Variants in CACNA1B observed in about 807,000 individuals in gnomAD.
CACNA1B encodes the protein calcium voltage-gated channel subunit alpha1 B.
CACNA1B carries 70 observed loss-of-function variants against 247.2 expected under a neutral mutation model. The ratio of observed to expected loss-of-function variants is 0.28; its 90% confidence interval spans 0.23 to 0.35. CACNA1B has a LOEUF of 0.35. Among genes scored for constraint, CACNA1B ranks in the 10% least tolerant of loss-of-function variants. The pLI, the probability that CACNA1B is intolerant of heterozygous loss-of-function variation, is 1.00. For synonymous variants in CACNA1B, 1,231 were observed against 1,294.4 expected, an observed-to-expected ratio of 0.95 and a Z score of 1.05; for missense variants, 2,367 against 3,197.4, an observed-to-expected ratio of 0.74 and a Z score of 6.26.
chr9:137,918,914 G>A (rs184416472), intron 6 of CACNA1B, among the ~76,000 whole-genome samples: 23 of 152,322 alleles, frequency 1.5e-4, no homozygotes, highest in Admixed American at 9.8e-4. Flanking sequence ...GGACAAAGCC[G>A]GTGATGAGGA....
intron 25 of CACNA1B, 30 bp from the exon 26 acceptor site, chr9:138,053,816 C>T (rs1283682238): frequency 1.3e-6 from 2 of 1,592,040 alleles, no homozygotes; most frequent in Non-Finnish European, 1.7e-6. Context: ...ATTCCACCCC[C>T]TCATCATGGC....
In CACNA1B at chr9:138,007,303, GA is replaced by G. The variant is rs10718000; in HGVS notation, c.2092+422del. 0.011 allele frequency among the ~76,000 whole-genome samples: 1,690 copies of G among 152,318 alleles called. 29 individuals are homozygous for G. The highest frequency in any genetic ancestry group is 0.039 in the African/African-American group (1,621 of 41,550). On this transcript the variant is annotated intron_variant, in intron 16 of 46. Transcript: ENST00000371372. This position sits in a 1 kb window ranked among gnomAD's most constrained non-coding sequence, Gnocchi z 4.1. ...CATCCCCTTTGCAGAGAAATGTAAG[GA>G]AAGGTTTTCTGTGGAGGATGTCAGT...
chr9:137,878,256 A>G, intron 1 of CACNA1B, 39 bp downstream of exon 1: 1 of 420,380 alleles, frequency 2.4e-6, no homozygotes, highest in Non-Finnish European at 3.2e-6. Context: ...CCGGGCGGGG[A>G]CCGGGGTGGG....
At chr9:138,071,116 T>A (rs1039910919) in intron 32 of CACNA1B, among the ~76,000 whole-genome samples, 1 of 152,208 alleles carries the variant, frequency 6.6e-6, no homozygotes, top group African/African-American at 2.4e-5. Flanking sequence ...CAATTTTAAA[T>A]CCCTTTTCTC....
chr9:137,927,552 A>G (rs1957565534), intron 6 of CACNA1B, among the ~76,000 whole-genome samples: 2 of 152,200 alleles, frequency 1.3e-5, no homozygotes, highest in African/African-American at 4.8e-5. Context: ...CCATATATGC[A>G]AGAGTTTATT....
intron 12 of CACNA1B, among the ~76,000 whole-genome samples, chr9:137,976,293 G>A (rs2133371414): frequency 6.6e-6 from 1 of 152,386 alleles, no homozygotes; most frequent in African/African-American, 2.4e-5. Flanking sequence ...ATAATCAGCT[G>A]AAGGCTCTGC....
intron 20 of CACNA1B, among the ~76,000 whole-genome samples, chr9:138,043,134 G>A (rs1229818765): frequency 6.6e-6 from 1 of 152,178 alleles, no homozygotes; most frequent in African/African-American, 2.4e-5. Context: ...AGTTTGATTT[G>A]TGGGAGCACA....
intron 15 of CACNA1B, among the ~76,000 whole-genome samples, chr9:137,993,566 C>G (rs1958460700): frequency 6.6e-6 from 1 of 152,042 alleles, no homozygotes; most frequent in South Asian, 2.1e-4. Context: ...CTATGAACAC[C>G]TTTATTTATG....
intron 5 of CACNA1B, among the ~76,000 whole-genome samples, chr9:137,916,304 A>T (rs574122702): frequency 6.6e-6 from 1 of 152,278 alleles, no homozygotes; most frequent in East Asian, 1.9e-4. Context: ...AAGTGCTAGG[A>T]TTACAGGCGT....
chr9:138,034,249 G>T (rs954811457), intron 20 of CACNA1B, among the ~76,000 whole-genome samples: 1 of 152,146 alleles, frequency 6.6e-6, no homozygotes. Flanking sequence ...TGGGTGAGAC[G>T]TGACGTCTAG....
At chr9:137,893,495 A>T (rs1394389046) in intron 3 of CACNA1B, among the ~76,000 whole-genome samples, 1 of 151,752 alleles carries the variant, frequency 6.6e-6, no homozygotes, top group Non-Finnish European at 1.5e-5. Context: ...CTAAAAATAC[A>T]AAAGAATGAG....
At position 138,121,003 on chromosome 9, in the gene CACNA1B, C is replaced by T; in HGVS notation, c.6489+122C>T. ...CTGCCCTTTGTCATTCCCAGCAACCCAAGGGCCGGGCGCTCCCCTCTGTGC... is the reference window on the plus strand; with the variant it reads ...CTGCCCTTTGTCATTCCCAGCAACCTAAGGGCCGGGCGCTCCCCTCTGTGC... On this transcript the variant is annotated intron_variant, in intron 46 of 46. Transcript: ENST00000371372. This position sits in a 1 kb window ranked among gnomAD's most constrained non-coding sequence, Gnocchi z 6.8. 2 of 1,200,488 alleles carry T rather than the reference C, an allele frequency of 1.7e-6. No individual in the cohort carries two copies. The highest frequency in any genetic ancestry group is 2.3e-6 in the Non-Finnish European group (2 of 872,412). The allele number at this position is 1,200,488 out of a possible 1,614,324, so 74.4% of individuals were successfully genotyped here. A position where few individuals can be genotyped will look rare whatever the true frequency, so the allele number is the denominator to read the frequency against.
chr9:138,115,043 G>A (rs924604262), intron 41 of CACNA1B, among the ~76,000 whole-genome samples: 13 of 152,130 alleles, frequency 8.5e-5, no homozygotes, highest in Non-Finnish European at 1.9e-4. Context: ...CATTGACCTA[G>A]TCCTCAGATG....
intron 31 of CACNA1B, among the ~76,000 whole-genome samples, chr9:138,061,240 G>A (rs996168037): frequency 6.6e-6 from 1 of 152,156 alleles, no homozygotes; most frequent in Non-Finnish European, 1.5e-5. Flanking sequence ...CTTCTGGCAC[G>A]AGCAGCCCCA....
At chr9:138,055,862 TA>T (rs1304399471) in intron 26 of CACNA1B, among the ~76,000 whole-genome samples, 1 of 152,054 alleles carries the variant, frequency 6.6e-6, no homozygotes, top group East Asian at 1.9e-4. Context: ...CTGTCTCTAC[TA>T]AAACTACAAA....
At chr9:138,078,027 A>G in intron 35 of CACNA1B, 87 bp from the exon 36 acceptor site, 1 of 1,249,894 alleles carries the variant, frequency 8.0e-7, no homozygotes, top group Non-Finnish European at 1.1e-6. Context: ...GAAGGAGCCC[A>G]AAGGAGTGGG....
In CACNA1B at chr9:137,898,610, A is replaced by T. The variant is rs189854007; in HGVS notation, c.531-14570A>T. Among the ~76,000 whole-genome samples the T allele has an allele frequency of 2.0e-5, 3 of 152,036 alleles. No individual in the cohort carries two copies. The East Asian group carries it at 5.8e-4, about 29-fold the overall frequency. On this transcript the variant is annotated intron_variant, in intron 3 of 46. Coordinates refer to ENST00000371372, the MANE Select transcript of CACNA1B (RefSeq NM_000718.4). ...AGCCTCCACCTTCCAGGCTAAAGCA[A>T]TCCTCCCACCTCAGCCTCCCGAGTA...
intron 3 of CACNA1B, among the ~76,000 whole-genome samples, chr9:137,889,808 C>G (rs1363344237): frequency 6.7e-6 from 1 of 148,988 alleles, no homozygotes. Flanking sequence ...TCAGCACACG[C>G]CCCTGGCTGG....
intron 10 of CACNA1B, among the ~76,000 whole-genome samples, chr9:137,967,940 C>G (rs1461811057): frequency 1.3e-5 from 2 of 152,214 alleles, no homozygotes; most frequent in Non-Finnish European, 2.9e-5. Context: ...TCCTTGAGCT[C>G]GCGTTCACCT....
Sources: gnomAD v4.1 joint callset for allele counts (sites outside exome capture counted in the v4.1 genomes callset) on GRCh38, gnomAD v4.1.1 for gene constraint, Gnocchi (gnomAD v3.1) non-coding constraint, MANE v1.5 for transcripts, NCBI Gene and HGNC (gene_info 2026-07-23, HGNC 2026-07-21) for gene names.